Variants in CFAP54 observed in about 807,000 individuals in gnomAD.
The protein encoded by CFAP54 is cilia- and flagella-associated protein 54.
In CFAP54, 290 loss-of-function variants were observed where a neutral mutation model predicts 370.4. The ratio of observed to expected loss-of-function variants is 0.78; its 90% CI spans 0.71 to 0.86. The LOEUF is 0.86. CFAP54 is among the 40% of genes least tolerant of loss of function. CFAP54 has a pLI of 0.00. For synonymous variants in CFAP54, 1,206 were observed against 1,236.5 expected (o/e 0.98, Z 0.52); for missense variants, 3,399 against 3,528.7 (o/e 0.96, Z 0.93).
intron 3 of CFAP54, among the ~76,000 whole-genome samples, chr12:96,505,069 T>C (rs1955082185): frequency 6.6e-6 from 1 of 151,602 alleles, no homozygotes; most frequent in South Asian, 2.1e-4. Flanking sequence ...CTTTCCTTTC[T>C]TTTCTTCTTT....
chr12:96,585,837 T>C (rs2136429727), intron 22 of CFAP54, among the ~76,000 whole-genome samples: 1 of 152,308 alleles, frequency 6.6e-6, no homozygotes, highest in South Asian at 2.1e-4. Flanking sequence ...CAGACAGTCA[T>C]GTGCCTGCCA....
intron 48 of CFAP54, among the ~76,000 whole-genome samples, chr12:96,712,947 C>T (rs1048702958): frequency 6.6e-6 from 1 of 152,030 alleles, no homozygotes; most frequent in Admixed American, 6.6e-5. Context: ...TACTTAACAT[C>T]ACTAATAATC....
At chr12:96,494,008 G>A (rs1051557527) in intron 1 of CFAP54, among the ~76,000 whole-genome samples, 3 of 152,148 alleles carry the variant, frequency 2.0e-5, no homozygotes, top group South Asian at 2.1e-4. Context: ...ACTTGCTTTC[G>A]AATGATTGGT....
chr12:96,597,412 G>A (rs990164636), intron 25 of CFAP54, among the ~76,000 whole-genome samples: 1 of 151,736 alleles, frequency 6.6e-6, no homozygotes, highest in South Asian at 2.1e-4. Flanking sequence ...TCTCAAAGCC[G>A]GCATCTTGAT....
intron 55 of CFAP54, among the ~76,000 whole-genome samples, 166 bp from the exon 56 acceptor site, chr12:96,753,577 T>C (rs144645479): frequency 3.5e-4 from 53 of 152,310 alleles, no homozygotes; most frequent in African/African-American, 1.2e-3. Context: ...CATTGAAATA[T>C]TGGGTATTAT....
rs780409720 is a variant in CFAP54 at position 96,744,113 on chromosome 12, G to C, written c.7651G>C (p.Val2551Leu). 3.2e-5 allele frequency: 51 copies of C among 1,609,536 alleles called. No homozygotes were observed. The highest frequency in any genetic ancestry group is 3.6e-5 in the Non-Finnish European group (42 of 1,176,850). Residue 2551 changes from valine (V) to leucine (L), a missense_variant, in exon 55 of 68, where the codon GTC becomes CTC. Around this residue, in one of 3 missense-constraint regions of CFAP54, gnomAD observed 2,796 missense variants for 2,869.7 expected, o/e 0.97. Transcript: ENST00000524981. ...TTTGAAAAATATCTATCTTCCCCAT[G>C]TCATGTTATTGGCCAAAATAAAAAT... The part of the protein sequence containing the change: ...QPLKNIYLPH[V>L]MLLAKIKMRI...
At chr12:96,632,597 A>T (rs1956621044) in intron 32 of CFAP54, among the ~76,000 whole-genome samples, 1 of 151,910 alleles carries the variant, frequency 6.6e-6, no homozygotes. Context: ...TAGTCTATTA[A>T]CTTATTCCTG....
intron 44 of CFAP54, among the ~76,000 whole-genome samples, chr12:96,692,254 T>C (rs1426875455): frequency 1.3e-5 from 2 of 152,210 alleles, no homozygotes; most frequent in Non-Finnish European, 2.9e-5. Context: ...ATATTGTTTA[T>C]TTTTTAAAAA....
chr12:96,535,044 GTGTGTGTGTT>G (rs990275301), intron 11 of CFAP54, among the ~76,000 whole-genome samples: 4 of 145,916 alleles, frequency 2.7e-5, no homozygotes, highest in African/African-American at 5.3e-5. Flanking sequence ...GTGTGTGTGT[GTGTGTGTGTT>G]TATTTATTTA....
At position 96,753,756 on chromosome 12, in the gene CFAP54, C is replaced by G; in HGVS notation, c.7698C>G (p.Ala2566=). 6.2e-7 allele frequency: 1 copy of G among 1,613,340 alleles called. No individual in the cohort carries two copies. Among genetic ancestry groups the G allele is most frequent in the East Asian group, 2.2e-5 (1 of 44,838 alleles). ...KIKMRIGHTV[A]KQVYYKNKRK... is the part of the protein sequence containing the mutation. ...TTTTTCTTTTAGGACATACAGTGGCCAAGCAAGTATATTACAAGAATAAAA... is the reference window on the plus strand; with the variant it reads ...TTTTTCTTTTAGGACATACAGTGGCGAAGCAAGTATATTACAAGAATAAAA... The change falls in exon 56 of 68, where the codon GCC becomes GCG. Residue 2566 remains alanine (A), a synonymous_variant. Coordinates refer to ENST00000524981, the MANE Select transcript of CFAP54 (RefSeq NM_001306084.2).
At chr12:96,658,622 T>G (rs553477273) in intron 38 of CFAP54, among the ~76,000 whole-genome samples, 76 of 152,136 alleles carry the variant, frequency 5.0e-4, no homozygotes, top group Non-Finnish European at 6.3e-4. Context: ...AGTACTTTTT[T>G]TTTTTGTTTT....
intron 63 of CFAP54, 92 bp downstream of exon 63, chr12:96,792,591 T>C: frequency 1.0e-6 from 1 of 955,646 alleles, no homozygotes; most frequent in Non-Finnish European, 1.5e-6. Flanking sequence ...CATTCTCTTA[T>C]CATATAGATG....
chr12:96,689,020 C>A lies in CFAP54; in HGVS notation c.6081+38C>A, dbSNP rs781671557. 5 of 1,288,648 alleles carry A rather than the reference C, an allele frequency of 3.9e-6. No individual in the cohort carries two copies. In the Middle Eastern group the frequency reaches 9.6e-4, roughly 248 times the overall value. The allele number at this position is 1,288,648 out of a possible 1,614,324, so 79.8% of individuals were successfully genotyped here. A position where few individuals can be genotyped will look rare whatever the true frequency, so the allele number is the denominator to read the frequency against. Reference sequence around the variant, plus strand: ...GTATGTATGTTTTTCCATTGTAGCACAACCATTCATTGGATCAGTAAAAAA... The same window carrying A: ...GTATGTATGTTTTTCCATTGTAGCAAAACCATTCATTGGATCAGTAAAAAA... On this transcript the variant is annotated intron_variant, in intron 43 of 67. Transcript: ENST00000524981.
At chr12:96,771,441 A>T (rs572526217) in intron 60 of CFAP54, among the ~76,000 whole-genome samples, 1 of 152,336 alleles carries the variant, frequency 6.6e-6, no homozygotes, top group African/African-American at 2.4e-5. Flanking sequence ...TCACGAGGTC[A>T]GGAGATGGAG....
At chr12:96,737,857 T>C (rs544288236) in intron 50 of CFAP54, among the ~76,000 whole-genome samples, 1 of 152,314 alleles carries the variant, frequency 6.6e-6, no homozygotes, top group African/African-American at 2.4e-5. Flanking sequence ...CTGGGAGCCT[T>C]CTTATAGGAT....
chr12:96,613,838 A>G (rs1956386953), intron 26 of CFAP54, among the ~76,000 whole-genome samples: 1 of 150,626 alleles, frequency 6.6e-6, no homozygotes, highest in Admixed American at 6.6e-5. Context: ...GAATCCATGA[A>G]TAGAACAGGC....
intron 66 of CFAP54, among the ~76,000 whole-genome samples, chr12:96,855,528 T>C (rs946368462): frequency 2.6e-5 from 4 of 152,138 alleles, no homozygotes; most frequent in African/African-American, 9.7e-5. Flanking sequence ...TGGGAGAAAT[T>C]GGCCAAAATA....
In CFAP54 at chr12:96,655,921, A is replaced by G. The variant is rs193261009; in HGVS notation, c.5101-1961A>G. Among the ~76,000 whole-genome samples the G allele has an allele frequency of 2.6e-5, 4 of 152,208 alleles. No individual in the cohort carries two copies. In the East Asian group the frequency reaches 7.7e-4, roughly 29 times the overall value. ...ATTGTAGTTATGTTTTTGTATAACT[A>G]ATTTTTACTTTTTAGAGATAAATAC... On this transcript the variant is annotated intron_variant, in intron 36 of 67. Coordinates refer to ENST00000524981, the MANE Select transcript of CFAP54 (RefSeq NM_001306084.2).
intron 39 of CFAP54, among the ~76,000 whole-genome samples, chr12:96,665,628 TA>T (rs920047104): frequency 6.6e-6 from 1 of 152,238 alleles, no homozygotes; most frequent in African/African-American, 2.4e-5. Context: ...TAGATAGTTT[TA>T]GATGTGCAGT....
Sources: allele counts gnomAD v4.1 joint callset (sites outside exome capture counted in the v4.1 genomes callset), GRCh38; gene constraint gnomAD v4.1.1; regional missense constraint gnomAD v4.1.1; transcripts MANE v1.5; gene names NCBI Gene and HGNC (gene_info 2026-07-23, HGNC 2026-07-21).